The following PRDM11 variants were observed in gnomAD, a reference collection of about 807,000 sequenced individuals.
PRDM11 encodes PR domain-containing protein 11.
Under a neutral mutation model 97.8 loss-of-function variants are expected in PRDM11, and 20 were observed. The observed-to-expected ratio is 0.20, with a 90% CI of 0.14 to 0.30. The LOEUF is 0.30. Ranked by LOEUF, PRDM11 falls within the 10% of genes least tolerant of loss-of-function variation. The probability of loss-of-function intolerance (pLI) is 1.00; values close to 1 mark genes in which losing one functional copy is unlikely to be tolerated. For synonymous variants in PRDM11, 599 were observed against 637.7 expected, an observed-to-expected ratio of 0.94 and a Z score of 0.91; for missense variants, 1,139 against 1,555.2, an observed-to-expected ratio of 0.73 and a Z score of 4.50.
intron 1 of PRDM11, among the ~76,000 whole-genome samples, chr11:45,178,896 A>G (rs1046533183): frequency 6.6e-5 from 10 of 152,216 alleles, no homozygotes; most frequent in African/African-American, 2.2e-4. Context: ...GGGAGCTTAC[A>G]GTCTATTAAG....
intron 1 of PRDM11, among the ~76,000 whole-genome samples, chr11:45,126,988 T>C (rs374923419): frequency 6.6e-6 from 1 of 152,330 alleles, no homozygotes; most frequent in East Asian, 1.9e-4. Context: ...CAGATGTAGA[T>C]TTGGTCTTTT....
At chr11:45,127,797 G>A (rs1852613150) in intron 1 of PRDM11, among the ~76,000 whole-genome samples, 1 of 152,248 alleles carries the variant, frequency 6.6e-6, no homozygotes, top group South Asian at 2.1e-4. Flanking sequence ...CTGCTCAGGG[G>A]TCAGGGACCC....
chr11:45,149,542 A>G (rs1851609460), intron 1 of PRDM11, among the ~76,000 whole-genome samples: 1 of 152,194 alleles, frequency 6.6e-6, no homozygotes, highest in Non-Finnish European at 1.5e-5. Flanking sequence ...CCATTTCCAC[A>G]GTAGGTTGAC....
chr11:45,207,241 C>A (rs1853547283), intron 5 of PRDM11, among the ~76,000 whole-genome samples: 1 of 152,216 alleles, frequency 6.6e-6, no homozygotes, highest in African/African-American at 2.4e-5. Flanking sequence ...TTCTGACTTG[C>A]AGATGCTCTC....
At chr11:45,207,188 A>G (rs529817666) in intron 5 of PRDM11, among the ~76,000 whole-genome samples, 1 of 152,260 alleles carries the variant, frequency 6.6e-6, no homozygotes, top group East Asian at 1.9e-4. Flanking sequence ...TAATCCTGGG[A>G]ATCCTCCTTT....
chr11:45,117,031 C>T (rs1449474556), intron 1 of PRDM11, among the ~76,000 whole-genome samples: 1 of 152,126 alleles, frequency 6.6e-6, no homozygotes, highest in African/African-American at 2.4e-5. Context: ...CGAGACCAGC[C>T]TCACCAATAT....
intron 1 of PRDM11, among the ~76,000 whole-genome samples, chr11:45,118,579 G>A (rs997605336): frequency 6.6e-6 from 1 of 152,124 alleles, no homozygotes; most frequent in Non-Finnish European, 1.5e-5. Context: ...GAATAAAGAG[G>A]AAATATCATA....
At chr11:45,156,233 G>A (rs911594877) in intron 1 of PRDM11, among the ~76,000 whole-genome samples, 1 of 152,240 alleles carries the variant, frequency 6.6e-6, no homozygotes, top group Non-Finnish European at 1.5e-5. Context: ...GGCTCAGGCA[G>A]GTCACCCTCT....
rs147195090 is a variant in PRDM11, at chr11:45,209,712, G to A, written c.554+4934G>A. 3.7e-3 allele frequency among the ~76,000 whole-genome samples: 570 copies of A among 152,282 alleles called. 2 individuals are homozygous for A. The highest frequency in any genetic ancestry group is 0.013 in the African/African-American group (548 of 41,550). On this transcript the variant is annotated intron_variant, in intron 5 of 7. Coordinates refer to ENST00000683152, the MANE Select transcript of PRDM11 (RefSeq NM_001384648.1). ...CAACCTGAACAGTCACAGGGGCCGC[G>A]GGGTTTCAGGCTCTGCTGTCGCCAT...
At chr11:45,118,111 G>GA (rs1421273939) in intron 1 of PRDM11, among the ~76,000 whole-genome samples, 3 of 151,868 alleles carry the variant, frequency 2.0e-5, no homozygotes. Flanking sequence ...TCAAGATCAT[G>GA]AAAAAAAGAG....
At chr11:45,213,875 A>G (rs1853870988) in intron 5 of PRDM11, 1 of 389,228 alleles carries the variant, frequency 2.6e-6, no homozygotes, top group East Asian at 7.3e-5. Context: ...GAGTAGTGGG[A>G]AGAGGAGGCA....
chr11:45,155,958 G>A (rs1472631527), intron 1 of PRDM11, among the ~76,000 whole-genome samples: 1 of 152,086 alleles, frequency 6.6e-6, no homozygotes, highest in Non-Finnish European at 1.5e-5. Flanking sequence ...GTTTACAGAG[G>A]TAACATTGAG....
At chr11:45,099,792 C>CAAAT (rs535345598) in intron 1 of PRDM11, among the ~76,000 whole-genome samples, 57 of 152,350 alleles carry the variant, frequency 3.7e-4, no homozygotes, top group African/African-American at 1.3e-3. Context: ...GTTGTGCTAT[C>CAAAT]AAATAGTAGG....
At chr11:45,168,048 T>A (rs1231544126) in intron 1 of PRDM11, among the ~76,000 whole-genome samples, 2 of 152,210 alleles carry the variant, frequency 1.3e-5, no homozygotes, top group Admixed American at 1.3e-4. Flanking sequence ...AGGCTGCCAG[T>A]CCACAGACCA....
chr11:45,161,992 C>G lies in PRDM11; in HGVS notation c.-7+15115C>G, dbSNP rs565300388. Among the ~76,000 whole-genome samples the G allele has an allele frequency of 2.0e-5, 3 of 152,382 alleles. No homozygotes were observed. In the East Asian group the frequency reaches 5.8e-4, roughly 29 times the overall value. On this transcript the variant is annotated intron_variant, in intron 1 of 7. Coordinates refer to ENST00000683152, the MANE Select transcript of PRDM11 (RefSeq NM_001384648.1). Reference sequence around the variant, plus strand: ...TGTCCGGTTCTTTTTCATGAGGCGACCTAATGTGACAGTCTTGGCAAAAGG... The same window carrying G: ...TGTCCGGTTCTTTTTCATGAGGCGAGCTAATGTGACAGTCTTGGCAAAAGG...
At chr11:45,167,919 TTAGAC>T (rs1283713439) in intron 1 of PRDM11, among the ~76,000 whole-genome samples, 1 of 152,150 alleles carries the variant, frequency 6.6e-6, no homozygotes, top group Non-Finnish European at 1.5e-5. Context: ...ATCTTCTGAT[TTAGAC>T]TAGTGCATCT....
chr11:45,130,192 A>C (rs1434144058), intron 1 of PRDM11, among the ~76,000 whole-genome samples: 2 of 152,158 alleles, frequency 1.3e-5, no homozygotes, highest in Admixed American at 1.3e-4. Flanking sequence ...AAAATACAGA[A>C]TCATATCATT....
intron 4 of PRDM11, among the ~76,000 whole-genome samples, chr11:45,187,878 C>G (rs1229970415): frequency 2.0e-5 from 3 of 151,876 alleles, no homozygotes; most frequent in South Asian, 4.2e-4. Context: ...TGGGGAAAAG[C>G]AGGCGTGAAG....
chr11:45,194,834 G>A (rs949490155), intron 4 of PRDM11, among the ~76,000 whole-genome samples: 10 of 151,696 alleles, frequency 6.6e-5, no homozygotes, highest in African/African-American at 1.9e-4. Flanking sequence ...TCCTGACCTC[G>A]TGATCCGCCC....
Sources: gnomAD v4.1 joint callset for allele counts (sites outside exome capture counted in the v4.1 genomes callset) on GRCh38, gnomAD v4.1.1 for gene constraint, MANE v1.5 for transcripts, NCBI Gene and HGNC (gene_info 2026-07-23, HGNC 2026-07-21) for gene names.